The following SPTA1 variants were observed in gnomAD, a reference collection of about 807,000 sequenced individuals.
SPTA1 encodes the protein spectrin alpha chain, erythrocytic 1.
In SPTA1, 177 loss-of-function variants were observed where a neutral mutation model predicts 324.7. The observed-to-expected ratio is 0.55, with a 90% CI of 0.48 to 0.62. The LOEUF is 0.62. Among genes scored for constraint, SPTA1 ranks in the 20% least tolerant of loss-of-function variants. The pLI, the probability that SPTA1 is intolerant of heterozygous loss-of-function variation, is 0.00. For synonymous variants in SPTA1, 1,195 were observed against 1,041.3 expected, an observed-to-expected ratio of 1.15 and a Z score of -2.84; for missense variants, 3,162 against 2,883.6, an observed-to-expected ratio of 1.10 and a Z score of -2.21.
rs886045381 is a variant in SPTA1, at chr1:158,627,708, G to T, written c.5581C>A (p.His1861Asn). ...LAATQSLLMK[H>N]EALENDFAVH... Reference sequence around the variant, plus strand: ...GCAAAGTCATTTTCCAAAGCTTCATGCTTCATTAGCAAGCTCTGCATAAAT... The same window carrying T: ...GCAAAGTCATTTTCCAAAGCTTCATTCTTCATTAGCAAGCTCTGCATAAAT... The change falls in exon 40 of 52, where the codon CAT becomes AAT. Residue 1861 changes from histidine to asparagine, a missense_variant. By Grantham distance (68) the His-to-Asn change is moderately conservative. Coordinates refer to ENST00000643759, the MANE Select transcript of SPTA1 (RefSeq NM_003126.4). The T allele has an allele frequency of 1.2e-6, 2 of 1,612,722 alleles. No individual in the cohort carries two copies. Among genetic ancestry groups the T allele is most frequent in the Non-Finnish European group, 1.7e-6 (2 of 1,179,690 alleles).
intron 35 of SPTA1, 154 bp downstream of exon 35, chr1:158,639,428 C>T (rs1651357990): frequency 1.4e-6 from 1 of 737,758 alleles, no homozygotes. Flanking sequence ...TCTTCACAGC[C>T]CGTTAATTTT....
chr1:158,635,577 G>A (rs1416993290), intron 38 of SPTA1, among the ~76,000 whole-genome samples: 1 of 152,094 alleles, frequency 6.6e-6, no homozygotes, highest in Non-Finnish European at 1.5e-5. Context: ...CATTACTAAG[G>A]GCTGATTATA....
intron 2 of SPTA1, among the ~76,000 whole-genome samples, chr1:158,683,769 C>A (rs1654977722): frequency 6.9e-6 from 1 of 145,964 alleles, no homozygotes; most frequent in African/African-American, 2.4e-5. Context: ...CCTTCCTCAT[C>A]AGAAAAGAGG....
At chr1:158,645,043 G>T in intron 29 of SPTA1, 145 bp downstream of exon 29, 1 of 865,792 alleles carries the variant, frequency 1.2e-6, no homozygotes, top group Non-Finnish European at 1.9e-6. Context: ...AGAAAGCATA[G>T]TACAATGCTA....
chr1:158,636,289 T>C (rs1651064081), intron 37 of SPTA1, among the ~76,000 whole-genome samples: 1 of 152,166 alleles, frequency 6.6e-6, no homozygotes, highest in Non-Finnish European at 1.5e-5. Context: ...TTTTCGTCTA[T>C]TCATGGTCAC....
At chr1:158,661,592 C>T (rs1422264826) in intron 17 of SPTA1, 183 bp from the exon 18 acceptor site, 49 of 728,194 alleles carry the variant, frequency 6.7e-5, no homozygotes, top group Non-Finnish European at 9.7e-5. Flanking sequence ...CTTCCCCTGG[C>T]CTCTTTTTAT....
In SPTA1 at chr1:158,686,539, T is replaced by C. The variant is rs1174077428; in HGVS notation, c.-22A>G. The C allele has an allele frequency of 5.7e-6, 9 of 1,572,538 alleles. No individual in the cohort carries two copies. The African/African-American group carries it at 5.8e-5, about 10-fold the overall frequency. ...CCATTTTTCCTAAAGGTTTAGAACC[T>C]GGCAAGATAAAATGTGTCAGAGAGA... On this transcript the variant is annotated 5_prime_UTR_variant, in exon 1 of 52. Coordinates refer to ENST00000643759, the MANE Select transcript of SPTA1 (RefSeq NM_003126.4).
At chr1:158,640,488 A>T (rs865695) in intron 33 of SPTA1, among the ~76,000 whole-genome samples, 1 of 152,180 alleles carries the variant, frequency 6.6e-6, no homozygotes, top group Non-Finnish European at 1.5e-5. Context: ...ATACAAAATC[A>T]ATGTGTAAAA....
chr1:158,651,212 A>G (rs1455897011), intron 24 of SPTA1, among the ~76,000 whole-genome samples, 155 bp downstream of exon 24: 1 of 152,146 alleles, frequency 6.6e-6, no homozygotes, highest in Non-Finnish European at 1.5e-5. Context: ...TATTTGGGCT[A>G]TTGTCTTTGG....
chr1:158,631,157 CATACTTGTGTTTA>C, intron 39 of SPTA1, among the ~76,000 whole-genome samples: 1 of 152,160 alleles, frequency 6.6e-6, no homozygotes, highest in Non-Finnish European at 1.5e-5. Flanking sequence ...AAGACACATG[CATACTTGTGTTTA>C]TAGCAGTACA....
chr1:158,683,208 C>T (rs971464420), intron 3 of SPTA1, among the ~76,000 whole-genome samples, 163 bp downstream of exon 3: 6 of 152,134 alleles, frequency 3.9e-5, no homozygotes, highest in South Asian at 4.1e-4. Context: ...CCAAGAAACA[C>T]GAAGATATCC....
rs1161873167 is a variant in SPTA1, at chr1:158,657,583, T to A, written c.2699A>T (p.Gln900Leu). Reference protein sequence around the residue: ...RRQNDLEANVQFQQYLADLHE... With the variant: ...RRQNDLEANVLFQQYLADLHE... Reference sequence around the variant, plus strand: ...CAGGTCAGCCAGGTACTGCTGGAACTGGACATTGGCTTCAAGATCATTTTG... The same window carrying A: ...CAGGTCAGCCAGGTACTGCTGGAACAGGACATTGGCTTCAAGATCATTTTG... Residue 900 changes from glutamine (Q) to leucine (L), a missense_variant, in exon 19 of 52, where the codon CAG becomes CTG. Gln to Leu is a moderately radical substitution (Grantham distance 113). Transcript: ENST00000643759. 6.2e-7 allele frequency: 1 copy of A among 1,613,528 alleles called. No homozygotes were observed. The highest frequency in any genetic ancestry group is 8.5e-7 in the Non-Finnish European group (1 of 1,179,644).
intron 19 of SPTA1, among the ~76,000 whole-genome samples, chr1:158,657,194 T>A (rs1194043235): frequency 6.6e-6 from 1 of 152,206 alleles, no homozygotes; most frequent in East Asian, 1.9e-4. Flanking sequence ...CTCTGGAAAG[T>A]TTAGGATCGG....
chr1:158,657,462 C>T lies in SPTA1; in HGVS notation c.2805+15G>A. ...TTGTTGAGGATTCACAATGTTAAAC[C>T]CACCCCCACCTTACCCCAGCTGCTT... On this transcript the variant is annotated intron_variant, in intron 19 of 51. Coordinates refer to ENST00000643759, the MANE Select transcript of SPTA1 (RefSeq NM_003126.4). 2 of 1,485,198 alleles carry T rather than the reference C, an allele frequency of 1.3e-6. No homozygotes were observed. The highest frequency in any genetic ancestry group is 1.9e-6 in the Non-Finnish European group (2 of 1,066,644). 92.0% of individuals were successfully genotyped at this position (1,485,198 alleles called of 1,614,324 possible).
At chr1:158,632,614 T>C (rs1650762374) in intron 39 of SPTA1, among the ~76,000 whole-genome samples, 1 of 152,214 alleles carries the variant, frequency 6.6e-6, no homozygotes, top group Admixed American at 6.5e-5. Flanking sequence ...GAGGTATCAC[T>C]ATATATCTAT....
chr1:158,651,544 T>C lies in SPTA1; in HGVS notation c.3376-76A>G. ...AAATCCCCTCATCAAGAATCTACCA[T>C]ACTTACCTGTCCATCTCTGCCCCTA... On this transcript the variant is annotated intron_variant, in intron 23 of 51. Transcript: ENST00000643759. 6.2e-6 allele frequency: 6 copies of C among 960,724 alleles called. No homozygotes were observed. In the Admixed American group the frequency reaches 1.0e-4, roughly 16 times the overall value. 59.5% of individuals were successfully genotyped at this position (960,724 alleles called of 1,614,324 possible).
chr1:158,660,801 A>T (rs16840458), intron 18 of SPTA1, among the ~76,000 whole-genome samples: 1 of 152,152 alleles, frequency 6.6e-6, no homozygotes, highest in Admixed American at 6.5e-5. Context: ...ATACTTAAGC[A>T]TCAGGAATTT....
At chr1:158,684,710 A>T (rs893401196) in intron 2 of SPTA1, among the ~76,000 whole-genome samples, 1 of 152,144 alleles carries the variant, frequency 6.6e-6, no homozygotes, top group Non-Finnish European at 1.5e-5. Flanking sequence ...GTAATTTTTT[A>T]CTTTTGGCAT....
chr1:158,649,739 C>T, intron 25 of SPTA1, 117 bp downstream of exon 25: 2 of 837,204 alleles, frequency 2.4e-6, no homozygotes. Flanking sequence ...TTTCTATTGG[C>T]ACATTGTCTC....
Sources: allele counts gnomAD v4.1 joint callset (sites outside exome capture counted in the v4.1 genomes callset), GRCh38; gene constraint gnomAD v4.1.1; transcripts MANE v1.5; gene names NCBI Gene and HGNC (gene_info 2026-07-23, HGNC 2026-07-21).